Variants in GABRB1 observed in about 807,000 individuals in gnomAD.
The protein encoded by GABRB1 is gamma-aminobutyric acid receptor subunit beta-1.
A neutral mutation model predicts 51.6 loss-of-function variants in GABRB1; 17 were observed. That is an observed-to-expected ratio of 0.33 (90% confidence interval 0.23 to 0.49). GABRB1 has a LOEUF of 0.49. GABRB1 is among the 20% of genes least tolerant of loss of function. GABRB1 has a pLI of 0.99. For missense variants in GABRB1, 410 were observed against 600.6 expected (o/e 0.68, Z 3.32); for synonymous variants, 247 against 218.9 (o/e 1.13, Z -1.14).
chr4:47,179,586 G>A (rs1040669315), intron 4 of GABRB1, among the ~76,000 whole-genome samples: 18 of 152,008 alleles, frequency 1.2e-4, no homozygotes, highest in African/African-American at 4.3e-4. Context: ...TGTTTTACTT[G>A]CTTTCAATGT....
intron 5 of GABRB1, among the ~76,000 whole-genome samples, chr4:47,328,781 C>A (rs982579749): frequency 3.3e-5 from 5 of 150,898 alleles, no homozygotes; most frequent in African/African-American, 9.7e-5. Context: ...GAGGGGGGAG[C>A]GGGGAGGGAT....
intron 4 of GABRB1, among the ~76,000 whole-genome samples, chr4:47,292,716 C>T (rs1723795960): frequency 2.0e-5 from 3 of 152,154 alleles, no homozygotes; most frequent in Admixed American, 1.3e-4. Flanking sequence ...GCACTGGAGG[C>T]TGCGAAATCC....
intron 8 of GABRB1, among the ~76,000 whole-genome samples, chr4:47,409,425 G>A (rs774190896): frequency 3.9e-5 from 6 of 152,196 alleles, no homozygotes; most frequent in African/African-American, 7.2e-5. Context: ...TTCCCCAGGA[G>A]TTTGGCCATC....
intron 5 of GABRB1, among the ~76,000 whole-genome samples, chr4:47,338,058 G>A (rs1472888913): frequency 2.0e-5 from 3 of 152,030 alleles, no homozygotes; most frequent in Non-Finnish European, 4.4e-5. Flanking sequence ...TGTGATTATT[G>A]TCACTGCTGC....
At chr4:47,172,573 T>C (rs1718482924) in intron 4 of GABRB1, among the ~76,000 whole-genome samples, 1 of 151,962 alleles carries the variant, frequency 6.6e-6, no homozygotes, top group Non-Finnish European at 1.5e-5. Context: ...TAAGCAGCTT[T>C]ATGTTTAATG....
intron 4 of GABRB1, among the ~76,000 whole-genome samples, chr4:47,286,866 A>T (rs1357713360): frequency 3.3e-5 from 5 of 152,230 alleles, no homozygotes; most frequent in Non-Finnish European, 5.9e-5. Flanking sequence ...CAAAGTCTTA[A>T]TCATCAATTG....
At chr4:47,310,629 C>T (rs1724634688) in intron 4 of GABRB1, among the ~76,000 whole-genome samples, 1 of 152,070 alleles carries the variant, frequency 6.6e-6, no homozygotes, top group Non-Finnish European at 1.5e-5. Flanking sequence ...GGGTTTGAAT[C>T]TCAGCATTAC....
At chr4:47,106,119 A>T (rs1714958482) in intron 3 of GABRB1, among the ~76,000 whole-genome samples, 1 of 152,092 alleles carries the variant, frequency 6.6e-6, no homozygotes, top group Non-Finnish European at 1.5e-5. Context: ...TATTCATTTA[A>T]GAGTGATGAT....
intron 5 of GABRB1, among the ~76,000 whole-genome samples, chr4:47,322,122 G>A (rs1397644392): frequency 6.6e-6 from 1 of 152,104 alleles, no homozygotes; most frequent in Non-Finnish European, 1.5e-5. Flanking sequence ...TAACTTTTGT[G>A]GGGAAGGGAT....
In GABRB1 at chr4:47,016,777, A is replaced by G. The variant is rs977700823; in HGVS notation, c.-19-15137A>G. Among the ~76,000 whole-genome samples the G allele has an allele frequency of 7.2e-5, 11 of 151,918 alleles. No individual in the cohort carries two copies. In the East Asian group the frequency reaches 2.1e-3, roughly 29 times the overall value. On this transcript the variant is annotated intron_variant, in intron 1 of 3. Transcript: ENST00000513567. ...GCTAATTTTTGTATTTTTAGTAGAG[A>G]CAGGGTTTCACCTTATGGGCCAGGC...
In GABRB1 at chr4:47,406,935, T is replaced by C. The variant is rs577240874; in HGVS notation, c.1080+9T>C. 5.0e-6 allele frequency: 8 copies of C among 1,611,502 alleles called. No homozygotes were observed. Among genetic ancestry groups the C allele is most frequent in the South Asian group, 1.1e-5 (1 of 90,970 alleles). ...AGATGAATAAAGTCCAGGTAAGATA[T>C]TAAATATTCCTAACAATATTCTTGT... On this transcript the variant is annotated intron_variant, in intron 8 of 8. Transcript: ENST00000295454.
chr4:47,294,436 C>T (rs189607053), intron 4 of GABRB1, among the ~76,000 whole-genome samples: 36 of 152,348 alleles, frequency 2.4e-4, no homozygotes, highest in African/African-American at 7.7e-4. Flanking sequence ...GCTTAAAAAA[C>T]GGCGCACCAG....
At chr4:47,194,256 A>C (rs534929413) in intron 4 of GABRB1, among the ~76,000 whole-genome samples, 2 of 152,334 alleles carry the variant, frequency 1.3e-5, no homozygotes, top group South Asian at 4.1e-4. Flanking sequence ...CCTGAGACAC[A>C]TATTCCAAAT....
rs1467650262 is a variant in GABRB1 at position 47,399,442 on chromosome 4, G to A, written c.545-3876G>A. Among the ~76,000 whole-genome samples, 3 of 152,104 alleles carry A rather than the reference G, an allele frequency of 2.0e-5. No homozygotes were observed. In the East Asian group the frequency reaches 5.8e-4, roughly 29 times the overall value. ...CTGTTTGTAGGGATGAAATCAAGCTGTTTTGATTTTCTGTGCCTCCTTATT... is the reference window on the plus strand; with the variant it reads ...CTGTTTGTAGGGATGAAATCAAGCTATTTTGATTTTCTGTGCCTCCTTATT... On this transcript the variant is annotated intron_variant, in intron 5 of 8. Coordinates refer to ENST00000295454, the MANE Select transcript of GABRB1 (RefSeq NM_000812.4).
At chr4:47,147,499 T>C (rs1207728630) in intron 3 of GABRB1, among the ~76,000 whole-genome samples, 6 of 152,094 alleles carry the variant, frequency 3.9e-5, no homozygotes, top group Non-Finnish European at 8.8e-5. Context: ...CCCTCAACAC[T>C]GAGGATGTAG....
At chr4:47,182,602 T>C (rs1718998921) in intron 4 of GABRB1, among the ~76,000 whole-genome samples, 1 of 152,032 alleles carries the variant, frequency 6.6e-6, no homozygotes, top group Non-Finnish European at 1.5e-5. Flanking sequence ...TCAGAGTTTT[T>C]CTGTTACCCT....
chr4:47,247,877 G>A (rs1436780254), intron 4 of GABRB1, among the ~76,000 whole-genome samples: 1 of 151,724 alleles, frequency 6.6e-6, no homozygotes, highest in African/African-American at 2.4e-5. Context: ...TTTTATCTTT[G>A]CTGAATTCTT....
chr4:47,417,570 A>G (rs1728970979), intron 8 of GABRB1, among the ~76,000 whole-genome samples: 1 of 152,134 alleles, frequency 6.6e-6, no homozygotes, highest in African/African-American at 2.4e-5. Context: ...AAATGGGAAG[A>G]TGAAGGCTGG....
At chr4:47,046,345 TCAAA>T (rs1560509877) in intron 3 of GABRB1, among the ~76,000 whole-genome samples, 1 of 152,088 alleles carries the variant, frequency 6.6e-6, no homozygotes, top group Non-Finnish European at 1.5e-5. Context: ...TTGTAGATAA[TCAAA>T]CAAACAAAAA....
Sources: gnomAD v4.1 joint callset for allele counts (sites outside exome capture counted in the v4.1 genomes callset) on GRCh38, gnomAD v4.1.1 for gene constraint, MANE v1.5 for transcripts, NCBI Gene and HGNC (gene_info 2026-07-23, HGNC 2026-07-21) for gene names.